Variants in CAMSAP2 observed in about 807,000 individuals in gnomAD.
The protein encoded by CAMSAP2 is calmodulin-regulated spectrin-associated protein 2.
In CAMSAP2, 26 loss-of-function variants were observed where a neutral mutation model predicts 146.1. The observed-to-expected ratio is 0.18, with a 90% confidence interval of 0.13 to 0.25. The LOEUF is 0.25. Ranked by LOEUF, CAMSAP2 falls within the 10% of genes least tolerant of loss-of-function variation. The pLI, the probability that CAMSAP2 is intolerant of heterozygous loss-of-function variation, is 1.00. For synonymous variants in CAMSAP2, 499 were observed against 596.6 expected (o/e 0.84, Z 2.38); for missense variants, 1,381 against 1,759.3 (o/e 0.78, Z 3.85).
At chr1:200,748,061 T>G (rs1664391833) in intron 1 of CAMSAP2, among the ~76,000 whole-genome samples, 1 of 151,520 alleles carries the variant, frequency 6.6e-6, no homozygotes, top group Non-Finnish European at 1.5e-5. Context: ...CATTCAGAGC[T>G]CTTCTCTAAT....
chr1:200,847,731 T>C (rs749696674), intron 10 of CAMSAP2, 22 bp downstream of exon 10: 61 of 1,573,876 alleles, frequency 3.9e-5, no homozygotes, highest in Non-Finnish European at 5.3e-5. Context: ...GAATTACTTT[T>C]AGTGTATTCA....
chr1:200,739,727 A>C lies in CAMSAP2; in HGVS notation c.-101A>C. The C allele has an allele frequency of 1.5e-5, 17 of 1,142,264 alleles. No individual in the cohort carries two copies. Among genetic ancestry groups the C allele is most frequent in the East Asian group, 6.4e-5 (2 of 31,084 alleles). 70.8% of individuals were successfully genotyped at this position (1,142,264 alleles called of 1,614,324 possible). ...CCGGGCGGACATCGCCCGGGCCCCG[A>C]TGGTTTGAGCTTGCTTCTCCCTCCC... On this transcript the variant is annotated 5_prime_UTR_variant, in exon 1 of 17. An upstream start codon of the reference 5' UTR is lost. Coordinates refer to ENST00000358823, the MANE Select transcript of CAMSAP2 (RefSeq NM_203459.4). This position sits in a 1 kb window ranked among gnomAD's most constrained non-coding sequence, Gnocchi z 4.8.
Position 200,739,581 on chromosome 1 carries a change from G to A in CAMSAP2, c.-247G>A, listed in dbSNP as rs1248845581. On this transcript the variant is annotated 5_prime_UTR_variant, in exon 1 of 17. Coordinates refer to ENST00000358823, the MANE Select transcript of CAMSAP2 (RefSeq NM_203459.4). The surrounding 1 kb of genome is among the most constrained non-coding windows in gnomAD (Gnocchi z 4.8). ...GCACGGGGCGGACCTCGCGCGGACG[G>A]ACGGACGGAGACGGCGCCGCCACAT... is the stretch of plus-strand genomic sequence containing the variant. The A allele has an allele frequency of 4.7e-6, 1 of 212,710 alleles. No homozygotes were observed. Among genetic ancestry groups the A allele is most frequent in the African/African-American group, 2.3e-5 (1 of 42,882 alleles). 13.2% of individuals were successfully genotyped at this position (212,710 alleles called of 1,614,324 possible). A position where few individuals can be genotyped will look rare whatever the true frequency, so the allele number is the denominator to read the frequency against.
chr1:200,860,592 C>T lies in CAMSAP2; in HGVS notation c.*2533C>T, dbSNP rs1297268894. ...CTTACCTGTCCACTCTAGAGCATTGCTTACAGGTTTTTTGTTTTTTAAGAT... is the reference window on the plus strand; with the variant it reads ...CTTACCTGTCCACTCTAGAGCATTGTTTACAGGTTTTTTGTTTTTTAAGAT... On this transcript the variant is annotated 3_prime_UTR_variant, in exon 17 of 17. Coordinates refer to ENST00000358823, the MANE Select transcript of CAMSAP2 (RefSeq NM_203459.4). The T allele has an allele frequency of 6.6e-6, 1 of 152,298 alleles. No homozygotes were observed. Among genetic ancestry groups the T allele is most frequent in the African/African-American group, 2.4e-5 (1 of 41,444 alleles). 9.4% of individuals were successfully genotyped at this position (152,298 alleles called of 1,614,324 possible).
chr1:200,792,646 C>T (rs1002627767), intron 2 of CAMSAP2, among the ~76,000 whole-genome samples: 8 of 152,074 alleles, frequency 5.3e-5, no homozygotes, highest in African/African-American at 7.2e-5. Flanking sequence ...GACTCCGTCT[C>T]GGGCAGTAGG....
In CAMSAP2 at chr1:200,817,203, T is replaced by TACACACAC. The variant is rs1279999603; in HGVS notation, c.645+1566_645+1567insCACACACA. On this transcript the variant is annotated intron_variant, in intron 4 of 16. Coordinates refer to ENST00000358823, the MANE Select transcript of CAMSAP2 (RefSeq NM_203459.4). ...ACACACACACACATGTGTGTGTGTA[T>TACACACAC]ACACACATACACACATATGTGTGTG... is the stretch of plus-strand genomic sequence containing the variant. Among the ~76,000 whole-genome samples, 95 of 99,750 alleles carry TACACACAC rather than the reference T, an allele frequency of 9.5e-4. 1 individual carries two copies. Among genetic ancestry groups the TACACACAC allele is most frequent in the South Asian group, 1.6e-3 (5 of 3,086 alleles). The allele number at this position is 99,750 out of a possible 152,430, so 65.4% of individuals were successfully genotyped here.
chr1:200,841,009 C>T (rs1667309742), intron 6 of CAMSAP2, among the ~76,000 whole-genome samples: 1 of 151,820 alleles, frequency 6.6e-6, no homozygotes, highest in African/African-American at 2.4e-5. Flanking sequence ...CTTTTGAGGA[C>T]CCTTAATCCT....
At chr1:200,837,855 C>T (rs1438994143) in intron 6 of CAMSAP2, among the ~76,000 whole-genome samples, 1 of 152,034 alleles carries the variant, frequency 6.6e-6, no homozygotes, top group Admixed American at 6.6e-5. Context: ...GGATTGCATT[C>T]CTGATTTGGC....
chr1:200,836,444 A>G (rs1269141842), intron 6 of CAMSAP2, among the ~76,000 whole-genome samples: 4 of 152,190 alleles, frequency 2.6e-5, no homozygotes, highest in Non-Finnish European at 2.9e-5. Flanking sequence ...ATGGCTGCAT[A>G]GTATTCCATA....
intron 2 of CAMSAP2, among the ~76,000 whole-genome samples, chr1:200,799,064 G>C (rs1307174680): frequency 6.6e-6 from 1 of 152,190 alleles, no homozygotes; most frequent in African/African-American, 2.4e-5. Context: ...GCTGGATTCA[G>C]TTTGCCAGTG....
At position 200,810,760 on chromosome 1, in the gene CAMSAP2, G is replaced by A. The variant is rs144311754; in HGVS notation, c.561+3223G>A. On this transcript the variant is annotated intron_variant, in intron 3 of 16. Transcript: ENST00000358823. ...AGAAATTAGCTGGGCGTGGTGGCAC[G>A]CGCCTGTAGTCCCAGCTACTTGGGA... 9.7e-3 allele frequency among the ~76,000 whole-genome samples: 1,466 copies of A among 151,696 alleles called. 23 individuals carry two copies. The highest frequency in any genetic ancestry group is 0.033 in the African/African-American group (1,356 of 41,296).
In CAMSAP2 at chr1:200,832,498, A is replaced by G. The variant is rs1667069797; in HGVS notation, c.787+157A>G. 1.3e-5 allele frequency among the ~76,000 whole-genome samples: 2 copies of G among 152,146 alleles called. No homozygotes were observed. The highest frequency in any genetic ancestry group is 1.3e-4 in the Admixed American group (2 of 15,270). On this transcript the variant is annotated intron_variant, in intron 5 of 16. Coordinates refer to ENST00000358823, the MANE Select transcript of CAMSAP2 (RefSeq NM_203459.4). This position sits in a 1 kb window ranked among gnomAD's most constrained non-coding sequence, Gnocchi z 4.2. ...AAGTACTGAAGACTTTTTTTTAAAAATAAAGAACATTTATATATAATTCTG... is the reference window on the plus strand; with the variant it reads ...AAGTACTGAAGACTTTTTTTTAAAAGTAAAGAACATTTATATATAATTCTG...
At chr1:200,842,575 G>C (rs546859722) in intron 7 of CAMSAP2, among the ~76,000 whole-genome samples, 1 of 152,250 alleles carries the variant, frequency 6.6e-6, no homozygotes, top group South Asian at 2.1e-4. Context: ...GGGGGTTACT[G>C]TAAAGACCCC....
rs1666936389 is a variant in CAMSAP2, at chr1:200,827,589, ATGT to A, written c.646-4606_646-4604del. Among the ~76,000 whole-genome samples, 3 of 152,252 alleles carry A rather than the reference ATGT, an allele frequency of 2.0e-5. No homozygotes were observed. In the South Asian group the frequency reaches 6.2e-4, roughly 32 times the overall value. ...GTGCTATAAGAAAAATTTATTGGAA[ATGT>A]TGTTTATATGTAGGAAGCTGGTATG... On this transcript the variant is annotated intron_variant, in intron 4 of 16. Coordinates refer to ENST00000358823, the MANE Select transcript of CAMSAP2 (RefSeq NM_203459.4).
At chr1:200,784,613 C>T (rs748935406) in intron 2 of CAMSAP2, among the ~76,000 whole-genome samples, 12 of 152,020 alleles carry the variant, frequency 7.9e-5, no homozygotes, top group Admixed American at 1.3e-4. Context: ...ATCCTGTGAC[C>T]TTGCTATATA....
intron 2 of CAMSAP2, among the ~76,000 whole-genome samples, chr1:200,801,280 T>A (rs1666030728): frequency 6.9e-6 from 1 of 145,866 alleles, no homozygotes; most frequent in Non-Finnish European, 1.5e-5. Flanking sequence ...AAAAAAAAAA[T>A]AGAATGTTGA....
At chr1:200,820,207 T>G (rs1370116572) in intron 4 of CAMSAP2, among the ~76,000 whole-genome samples, 2 of 151,918 alleles carry the variant, frequency 1.3e-5, no homozygotes, top group Non-Finnish European at 2.9e-5. Flanking sequence ...ATTACAGGTG[T>G]GCACCGCCAT....
intron 1 of CAMSAP2, among the ~76,000 whole-genome samples, chr1:200,758,201 G>T (rs1664699811): frequency 6.6e-6 from 1 of 152,112 alleles, no homozygotes; most frequent in African/African-American, 2.4e-5. Flanking sequence ...GGATATATAG[G>T]TATGATAGAT....
chr1:200,815,522 AAAG>A (rs754595262), intron 3 of CAMSAP2, 36 bp from the exon 4 acceptor site: 1 of 1,102,512 alleles, frequency 9.1e-7, no homozygotes, highest in Non-Finnish European at 1.3e-6. Flanking sequence ...AAATTCAAAA[AAAG>A]AATAAAAATT....
Sources: gnomAD v4.1 joint callset for allele counts (sites outside exome capture counted in the v4.1 genomes callset) on GRCh38, gnomAD v4.1.1 for gene constraint, Gnocchi (gnomAD v3.1) non-coding constraint, MANE v1.5 for transcripts, NCBI Gene and HGNC (gene_info 2026-07-23, HGNC 2026-07-21) for gene names.